The following SEC24D variants were observed in gnomAD, a reference collection of about 807,000 sequenced individuals.
The protein encoded by SEC24D is SEC24 homolog D, COPII component, also known as protein transport protein Sec24D.
Under a neutral mutation model 116.9 loss-of-function variants are expected in SEC24D, and 69 were observed. The observed-to-expected ratio is 0.59, with a 90% confidence interval of 0.49 to 0.72. SEC24D has a LOEUF of 0.72. Among genes scored for constraint, SEC24D ranks in the 30% least tolerant of loss-of-function variants. SEC24D has a pLI of 0.00. For synonymous variants in SEC24D, 405 were observed against 442.8 expected (o/e 0.91, Z 1.07); for missense variants, 1,131 against 1,264.1 (o/e 0.89, Z 1.60).
At chr4:118,732,219 C>G (rs929501994) in intron 20 of SEC24D, among the ~76,000 whole-genome samples, 4 of 152,124 alleles carry the variant, frequency 2.6e-5, no homozygotes, top group African/African-American at 7.2e-5. Context: ...ACTGCAACCT[C>G]CACCTCCCTG....
intron 2 of SEC24D, among the ~76,000 whole-genome samples, chr4:118,831,255 C>T (rs192670622): frequency 9.9e-5 from 15 of 152,140 alleles, no homozygotes; most frequent in African/African-American, 1.2e-4. Flanking sequence ...TCTCAAACTC[C>T]GGGCCTCAAG....
At chr4:118,797,263 G>A (rs1489274047) in intron 8 of SEC24D, among the ~76,000 whole-genome samples, 1 of 151,998 alleles carries the variant, frequency 6.6e-6, no homozygotes, top group East Asian at 1.9e-4. Context: ...GAGTATCCTG[G>A]CCCAGTGATA....
chr4:118,792,322 C>T (rs937527845), intron 8 of SEC24D, among the ~76,000 whole-genome samples: 2 of 150,712 alleles, frequency 1.3e-5, no homozygotes, highest in Admixed American at 6.6e-5. Context: ...TGGGGGGGCG[C>T]CTCTGCCCGG....
At chr4:118,827,497 G>A (rs114789346) in intron 2 of SEC24D, among the ~76,000 whole-genome samples, 6,662 of 152,258 alleles carry the variant, frequency 0.044, 204 homozygotes, top group Non-Finnish European at 0.064. Context: ...CAGATACCAT[G>A]GACCAGTAAA....
intron 21 of SEC24D, chr4:118,729,767 C>G (rs1421638030): frequency 2.6e-5 from 4 of 152,186 alleles, no homozygotes; most frequent in Non-Finnish European, 5.9e-5. Flanking sequence ...GGCCAGAGAA[C>G]ATGTGAGTTA....
intron 3 of SEC24D, among the ~76,000 whole-genome samples, chr4:118,817,816 A>C (rs1439567013): frequency 6.6e-6 from 1 of 152,134 alleles, no homozygotes; most frequent in Non-Finnish European, 1.5e-5. Flanking sequence ...AGGTGGGAGG[A>C]CAATTTGAGC....
chr4:118,780,906 G>GATTTTTTTTTTTTTTTT (rs1728368824), intron 8 of SEC24D, among the ~76,000 whole-genome samples: 1 of 106,076 alleles, frequency 9.4e-6, no homozygotes, highest in African/African-American at 3.4e-5. Context: ...TGCAACCCCT[G>GATTTTTTTTTTTTTTTT]CTTTTTTTTT....
At chr4:118,781,876 G>A (rs969185462) in intron 8 of SEC24D, among the ~76,000 whole-genome samples, 153 of 152,130 alleles carry the variant, frequency 1.0e-3, no homozygotes, top group African/African-American at 3.5e-3. Flanking sequence ...TGAAGGAATC[G>A]GCTACTGAAG....
At chr4:118,822,634 T>C (rs1730445686) in intron 3 of SEC24D, among the ~76,000 whole-genome samples, 1 of 152,156 alleles carries the variant, frequency 6.6e-6, no homozygotes, top group South Asian at 2.1e-4. Context: ...TATAATAGCA[T>C]GAACACAGCT....
At chr4:118,780,907 CTTTTTT>C (rs143712578) in intron 8 of SEC24D, among the ~76,000 whole-genome samples, 3 of 61,834 alleles carry the variant, frequency 4.9e-5, no homozygotes, top group African/African-American at 1.8e-4. Flanking sequence ...GCAACCCCTG[CTTTTTT>C]TTTTTTTTTT....
chr4:118,742,254 G>A (rs557394964), intron 15 of SEC24D, among the ~76,000 whole-genome samples: 10 of 152,116 alleles, frequency 6.6e-5, no homozygotes, highest in Middle Eastern at 6.8e-3. Context: ...GCTGCTCTTT[G>A]AAGCCAAGTC....
chr4:118,804,603 T>C (rs1307523938), intron 7 of SEC24D, among the ~76,000 whole-genome samples: 1 of 151,838 alleles, frequency 6.6e-6, no homozygotes, highest in Non-Finnish European at 1.5e-5. Context: ...AAATCAACAA[T>C]TTCATATACC....
intron 8 of SEC24D, among the ~76,000 whole-genome samples, chr4:118,773,657 A>G (rs1383942916): frequency 6.6e-6 from 1 of 152,232 alleles, no homozygotes; most frequent in African/African-American, 2.4e-5. Flanking sequence ...CATTCAGACT[A>G]TTAGGCATGC....
rs142973190 is a variant in SEC24D at position 118,770,006 on chromosome 4, T to C, written c.1042-1695A>G. Among the ~76,000 whole-genome samples, 8 of 152,290 alleles carry C rather than the reference T, an allele frequency of 5.3e-5. No homozygotes were observed. The East Asian group carries it at 9.6e-4, about 18-fold the overall frequency. On this transcript the variant is annotated intron_variant, in intron 8 of 22. Coordinates refer to ENST00000280551, the MANE Select transcript of SEC24D (RefSeq NM_014822.4). ...GTCATCTTTGACAGGAGGGCAAGTA[T>C]GAGATGGGCTTCAGGTCCTGAAGGC...
At chr4:118,741,452 G>A (rs2110441734) in intron 15 of SEC24D, among the ~76,000 whole-genome samples, 1 of 152,278 alleles carries the variant, frequency 6.6e-6, no homozygotes, top group South Asian at 2.1e-4. Context: ...GTGAAGCTAT[G>A]TCAGGGAAAG....
intron 8 of SEC24D, among the ~76,000 whole-genome samples, chr4:118,778,938 T>C (rs574291166): frequency 2.0e-5 from 3 of 152,314 alleles, no homozygotes; most frequent in Non-Finnish European, 4.4e-5. Context: ...CTTGTGATTT[T>C]TGCACATTGA....
chr4:118,825,582 G>A (rs1206029744), intron 2 of SEC24D: 1 of 456,084 alleles, frequency 2.2e-6, no homozygotes, highest in Admixed American at 2.3e-5. Context: ...TATGAACCTG[G>A]GCAAGAAGCT....
intron 3 of SEC24D, among the ~76,000 whole-genome samples, chr4:118,819,418 C>G (rs534288487): frequency 6.7e-6 from 1 of 150,038 alleles, no homozygotes; most frequent in Admixed American, 6.8e-5. Flanking sequence ...GTAGTCCCAG[C>G]TACTTGGGAG....
Position 118,744,954 on chromosome 4 carries a change from T to C in SEC24D, c.1814A>G (p.Asp605Gly). The change falls in exon 14 of 23, where the codon GAC (aspartate) becomes GGC (glycine). Residue 605 changes from aspartate (D) to glycine (G), a missense_variant. Coordinates refer to ENST00000280551, the MANE Select transcript of SEC24D (RefSeq NM_014822.4). ...AGAGTTACAAAGTACCTTCTCTTTG[T>C]CTGTATTAACCAGTTTTTTGTCATC... The part of the protein sequence containing the change: ...NRDDKKLVNT[D>G]KEKILFQPQT... 1 of 1,584,856 alleles carries C rather than the reference T, an allele frequency of 6.3e-7. No individual in the cohort carries two copies. Among genetic ancestry groups the C allele is most frequent in the African/African-American group, 1.3e-5 (1 of 74,258 alleles).
Sources: allele counts gnomAD v4.1 joint callset (sites outside exome capture counted in the v4.1 genomes callset), GRCh38; gene constraint gnomAD v4.1.1; transcripts MANE v1.5; gene names NCBI Gene and HGNC (gene_info 2026-07-23, HGNC 2026-07-21).